Variants in PRKAG2 observed in about 807,000 individuals in gnomAD.
The protein encoded by PRKAG2 is 5'-AMP-activated protein kinase subunit gamma-2.
A neutral mutation model predicts 69.6 loss-of-function variants in PRKAG2; 26 were observed. The observed-to-expected ratio is 0.37, with a 90% CI of 0.27 to 0.52. The LOEUF (loss-of-function observed/expected upper bound fraction) is 0.52. PRKAG2 is among the 20% of genes least tolerant of loss of function. The pLI is 0.90. For missense variants in PRKAG2, 557 were observed against 740.0 expected (o/e 0.75, Z 2.87); for synonymous variants, 293 against 285.0 (o/e 1.03, Z -0.28).
At chr7:151,662,600 A>G (rs906176580) in intron 4 of PRKAG2, among the ~76,000 whole-genome samples, 3 of 152,134 alleles carry the variant, frequency 2.0e-5, no homozygotes, top group Non-Finnish European at 4.4e-5. Context: ...GCCTGTTACT[A>G]GAGTAATCAT....
chr7:151,696,061 T>A (rs908881882), intron 3 of PRKAG2, among the ~76,000 whole-genome samples: 1 of 152,084 alleles, frequency 6.6e-6, no homozygotes, highest in Admixed American at 6.5e-5. Flanking sequence ...CGCCAACACA[T>A]CCCCGGAAGC....
rs528264629 is a variant in PRKAG2, at chr7:151,619,564, C to A, written c.754+12505G>T. 3.9e-5 allele frequency among the ~76,000 whole-genome samples: 6 copies of A among 152,268 alleles called. No homozygotes were observed. The East Asian group carries it at 1.2e-3, about 29-fold the overall frequency. On this transcript the variant is annotated intron_variant, in intron 5 of 15. Coordinates refer to ENST00000287878, the MANE Select transcript of PRKAG2 (RefSeq NM_016203.4). ...TTGCTTTCTGATGGTTCAATCTGTA[C>A]AAACTTTGTTTCATGCACAAAGTTA... is the stretch of plus-strand genomic sequence containing the variant.
intron 3 of PRKAG2, among the ~76,000 whole-genome samples, chr7:151,686,990 G>A (rs1191162093): frequency 6.6e-6 from 1 of 152,078 alleles, no homozygotes; most frequent in Non-Finnish European, 1.5e-5. Context: ...AAAGGAATCC[G>A]GAAAATATCC....
chr7:151,684,955 C>T (rs1834496349), intron 3 of PRKAG2, among the ~76,000 whole-genome samples: 1 of 152,152 alleles, frequency 6.6e-6, no homozygotes, highest in Admixed American at 6.5e-5. Flanking sequence ...GCTCCAGGTG[C>T]CACACGTCAG....
In PRKAG2 at chr7:151,617,363, T is replaced by A. The variant is rs539598793; in HGVS notation, c.754+14706A>T. Among the ~76,000 whole-genome samples, 3 of 151,058 alleles carry A rather than the reference T, an allele frequency of 2.0e-5. No homozygotes were observed. In the South Asian group the frequency reaches 6.3e-4, roughly 32 times the overall value. Reference sequence around the variant, plus strand: ...CACCAAGGCGTCACTAGACCCGGGATTCACCTGCAAATAATCCGAGTGTGG... The same window carrying A: ...CACCAAGGCGTCACTAGACCCGGGAATCACCTGCAAATAATCCGAGTGTGG... On this transcript the variant is annotated intron_variant, in intron 5 of 15. Coordinates refer to ENST00000287878, the MANE Select transcript of PRKAG2 (RefSeq NM_016203.4).
At chr7:151,782,428 A>AAAGAAG (rs1563664136) in intron 2 of PRKAG2, among the ~76,000 whole-genome samples, 2 of 75,032 alleles carry the variant, frequency 2.7e-5, no homozygotes, top group South Asian at 4.2e-4. Context: ...AAGGAAGGAA[A>AAAGAAG]GAAAGAAGGA....
rs1286504867 is a variant in PRKAG2 at position 151,840,374 on chromosome 7, A to C, written c.114+36133T>G. Among the ~76,000 whole-genome samples, 3 of 152,272 alleles carry C rather than the reference A, an allele frequency of 2.0e-5. No individual in the cohort carries two copies. The East Asian group carries it at 5.8e-4, about 29-fold the overall frequency. ...CAGCTGCAAAGGGCCCTCACCATGC[A>C]CCAGTTAGTTACTCATTCATTCATT... is the stretch of plus-strand genomic sequence containing the variant. On this transcript the variant is annotated intron_variant, in intron 1 of 15. Transcript: ENST00000287878.
At chr7:151,563,964 T>C (rs1805659708) in intron 14 of PRKAG2, 114 bp downstream of exon 14, 2 of 1,447,664 alleles carry the variant, frequency 1.4e-6, no homozygotes, top group Non-Finnish European at 1.9e-6. Flanking sequence ...CGACTGAACC[T>C]GGAGGCTGCC....
chr7:151,692,709 G>C (rs1835875011), intron 3 of PRKAG2, among the ~76,000 whole-genome samples: 1 of 152,178 alleles, frequency 6.6e-6, no homozygotes, highest in Admixed American at 6.5e-5. Flanking sequence ...CCTTGAAGGA[G>C]GGACAGGCAG....
chr7:151,868,972 C>T (rs573692849), intron 1 of PRKAG2, among the ~76,000 whole-genome samples: 5 of 152,162 alleles, frequency 3.3e-5, no homozygotes, highest in Non-Finnish European at 4.4e-5. Context: ...GATGAAGAGG[C>T]GTTGGCAAAT....
chr7:151,758,486 T>C (rs1022114960), intron 3 of PRKAG2, among the ~76,000 whole-genome samples: 1 of 152,268 alleles, frequency 6.6e-6, no homozygotes, highest in African/African-American at 2.4e-5. Flanking sequence ...TTGCCAGAAC[T>C]GTTTCCATCT....
intron 3 of PRKAG2, among the ~76,000 whole-genome samples, chr7:151,737,577 C>T (rs570613714): frequency 1.3e-5 from 2 of 152,278 alleles, no homozygotes; most frequent in East Asian, 1.9e-4. Flanking sequence ...ATCTACGGCT[C>T]GTCCGAAAAC....
At chr7:151,793,406 C>A (rs972936427) in intron 1 of PRKAG2, among the ~76,000 whole-genome samples, 3 of 152,232 alleles carry the variant, frequency 2.0e-5, no homozygotes, top group Non-Finnish European at 4.4e-5. Context: ...GGTTCTAACC[C>A]TTAAGGTTTC....
At chr7:151,714,038 T>C (rs376538678) in intron 3 of PRKAG2, among the ~76,000 whole-genome samples, 31 of 152,076 alleles carry the variant, frequency 2.0e-4, no homozygotes, top group African/African-American at 7.0e-4. Flanking sequence ...TCACAGACAG[T>C]CAAGTGTGGG....
At chr7:151,643,433 T>C (rs1001172410) in intron 4 of PRKAG2, among the ~76,000 whole-genome samples, 1 of 152,214 alleles carries the variant, frequency 6.6e-6, no homozygotes, top group African/African-American at 2.4e-5. Flanking sequence ...CTAGAACAGA[T>C]CACTGTTAAC....
chr7:151,712,359 C>T (rs1795464699), intron 3 of PRKAG2, among the ~76,000 whole-genome samples: 1 of 152,192 alleles, frequency 6.6e-6, no homozygotes, highest in African/African-American at 2.4e-5. Context: ...ATGGGGTGGC[C>T]ACCGCAGGAG....
At chr7:151,648,909 T>TTTTTTC (rs112730042) in intron 4 of PRKAG2, among the ~76,000 whole-genome samples, 4 of 151,096 alleles carry the variant, frequency 2.6e-5, no homozygotes, top group Non-Finnish European at 5.9e-5. Context: ...CCAGGATTTT[T>TTTTTTC]TTTTTTTCCT....
intron 3 of PRKAG2, among the ~76,000 whole-genome samples, chr7:151,759,406 G>A (rs1048110633): frequency 2.6e-5 from 4 of 152,152 alleles, no homozygotes; most frequent in Admixed American, 6.6e-5. Context: ...CTGTGGTACC[G>A]ATTGTCCCTA....
intron 6 of PRKAG2, among the ~76,000 whole-genome samples, chr7:151,594,726 T>G (rs1296661423): frequency 6.6e-6 from 1 of 152,208 alleles, no homozygotes; most frequent in African/African-American, 2.4e-5. Flanking sequence ...GACAGGCCTG[T>G]GTTCAAAACC....
Sources: gnomAD v4.1 joint callset for allele counts (sites outside exome capture counted in the v4.1 genomes callset) on GRCh38, gnomAD v4.1.1 for gene constraint, MANE v1.5 for transcripts, NCBI Gene and HGNC (gene_info 2026-07-23, HGNC 2026-07-21) for gene names.